Variants in RABGAP1L observed in about 807,000 individuals in gnomAD.
RABGAP1L encodes the protein rab GTPase-activating protein 1-like.
Under a neutral mutation model 137.7 loss-of-function variants are expected in RABGAP1L, and 63 were observed. The ratio of observed to expected loss-of-function variants is 0.46; its 90% CI spans 0.37 to 0.56. The LOEUF is 0.56. Ranked by LOEUF, RABGAP1L falls within the 20% of genes least tolerant of loss-of-function variation. The pLI, the probability that RABGAP1L is intolerant of heterozygous loss-of-function variation, is 0.00. For missense variants in RABGAP1L, 1,095 were observed against 1,244.0 expected (o/e 0.88, Z 1.80); for synonymous variants, 431 against 433.7 (o/e 0.99, Z 0.08).
chr1:174,736,754 G>A (rs190322933), intron 17 of RABGAP1L, among the ~76,000 whole-genome samples: 1 of 152,216 alleles, frequency 6.6e-6, no homozygotes, highest in Non-Finnish European at 1.5e-5. Flanking sequence ...TGCATTCTGT[G>A]TACCTGCAGA....
intron 19 of RABGAP1L, among the ~76,000 whole-genome samples, chr1:174,819,092 A>G (rs1690734416): frequency 6.9e-6 from 1 of 145,556 alleles, no homozygotes; most frequent in African/African-American, 2.5e-5. Context: ...CTGAAGTGGA[A>G]GGTTGGCTTG....
chr1:174,929,083 G>A (rs907221107), intron 19 of RABGAP1L, among the ~76,000 whole-genome samples: 1 of 151,960 alleles, frequency 6.6e-6, no homozygotes, highest in Non-Finnish European at 1.5e-5. Flanking sequence ...GGGCTGGGGG[G>A]AGGGATAGCA....
intron 13 of RABGAP1L, among the ~76,000 whole-genome samples, chr1:174,496,437 C>T (rs776852936): frequency 9.9e-5 from 15 of 152,168 alleles, no homozygotes; most frequent in Non-Finnish European, 1.8e-4. Context: ...AGACGACCCT[C>T]TAAGGGATAG....
At chr1:174,564,842 G>A (rs1667462903) in intron 13 of RABGAP1L, among the ~76,000 whole-genome samples, 1 of 152,114 alleles carries the variant, frequency 6.6e-6, no homozygotes, top group South Asian at 2.1e-4. Context: ...TTTAAAAGTA[G>A]TATACCTGAA....
At chr1:174,525,222 T>G (rs1663771019) in intron 13 of RABGAP1L, among the ~76,000 whole-genome samples, 1 of 152,152 alleles carries the variant, frequency 6.6e-6, no homozygotes, top group Non-Finnish European at 1.5e-5. Flanking sequence ...AATTTTAGAT[T>G]GCTTTGGGCA....
chr1:174,304,032 A>G (rs1414988597), intron 10 of RABGAP1L, among the ~76,000 whole-genome samples: 1 of 152,158 alleles, frequency 6.6e-6, no homozygotes, highest in Non-Finnish European at 1.5e-5. Flanking sequence ...ACCTTTAAAC[A>G]TAGTGTTACT....
intron 5 of RABGAP1L, among the ~76,000 whole-genome samples, chr1:174,249,461 A>G (rs1009431723): frequency 6.6e-6 from 1 of 152,216 alleles, no homozygotes; most frequent in Non-Finnish European, 1.5e-5. Context: ...ATCTTAGGAT[A>G]CATTCAATTT....
At chr1:174,612,267 C>G (rs1011618654) in intron 13 of RABGAP1L, among the ~76,000 whole-genome samples, 21 of 152,072 alleles carry the variant, frequency 1.4e-4, no homozygotes, top group Non-Finnish European at 2.5e-4. Context: ...TAGCATGAAG[C>G]ATTGTTGAAT....
chr1:174,640,992 G>T (rs56199565), intron 14 of RABGAP1L, among the ~76,000 whole-genome samples: 84,836 of 145,648 alleles, frequency 0.58, 26,889 homozygotes, highest in African/African-American at 0.85. Context: ...TATAATTTTA[G>T]ATTATATTAA....
intron 13 of RABGAP1L, among the ~76,000 whole-genome samples, chr1:174,537,655 T>TGTA: frequency 2.6e-5 from 4 of 152,240 alleles, no homozygotes; most frequent in Middle Eastern, 6.8e-3. Context: ...TGGAGAGAGG[T>TGTA]GTAGAGTGGT....
chr1:174,264,150 AT>A (rs755328316), intron 7 of RABGAP1L, among the ~76,000 whole-genome samples: 10 of 151,976 alleles, frequency 6.6e-5, no homozygotes, highest in Non-Finnish European at 1.2e-4. Context: ...TGCTTTAAAT[AT>A]TTGATTTTTA....
At chr1:174,162,167 A>AT (rs752968286) in intron 1 of RABGAP1L, among the ~76,000 whole-genome samples, 7 of 149,550 alleles carry the variant, frequency 4.7e-5, no homozygotes, top group African/African-American at 1.2e-4. Context: ...GGTAGTTATG[A>AT]TTTTTTTTTC....
intron 18 of RABGAP1L, among the ~76,000 whole-genome samples, chr1:174,789,537 A>G (rs1687699482): frequency 6.6e-6 from 1 of 152,214 alleles, no homozygotes; most frequent in Non-Finnish European, 1.5e-5. Flanking sequence ...TGAGAAGGGC[A>G]AAGACTGTAA....
intron 13 of RABGAP1L, among the ~76,000 whole-genome samples, chr1:174,489,527 C>G (rs1660011229): frequency 6.6e-6 from 1 of 151,666 alleles, no homozygotes; most frequent in African/African-American, 2.4e-5. Context: ...AGTCAGGAAA[C>G]AACAGGTGCT....
At chr1:174,470,272 C>T (rs1486197525) in intron 13 of RABGAP1L, among the ~76,000 whole-genome samples, 2 of 152,086 alleles carry the variant, frequency 1.3e-5, no homozygotes, top group Non-Finnish European at 2.9e-5. Context: ...CTTTCTAGCC[C>T]CTCAAAAGCC....
At chr1:174,709,316 G>C (rs1464063417) in intron 17 of RABGAP1L, among the ~76,000 whole-genome samples, 1 of 152,200 alleles carries the variant, frequency 6.6e-6, no homozygotes, top group Non-Finnish European at 1.5e-5. Flanking sequence ...TACAGTGCTC[G>C]AGCTCTGCTA....
intron 19 of RABGAP1L, among the ~76,000 whole-genome samples, chr1:174,902,098 C>G (rs1274202722): frequency 6.6e-6 from 1 of 152,094 alleles, no homozygotes; most frequent in Middle Eastern, 3.2e-3. Context: ...TTTTGCCAGC[C>G]CACACACACC....
intron 13 of RABGAP1L, among the ~76,000 whole-genome samples, chr1:174,513,694 A>G (rs1480324887): frequency 1.3e-5 from 2 of 152,148 alleles, no homozygotes; most frequent in Non-Finnish European, 2.9e-5. Flanking sequence ...ATTATAAGCT[A>G]TACCATATTA....
At chr1:174,890,479 A>G (rs1254049514) in intron 19 of RABGAP1L, among the ~76,000 whole-genome samples, 1 of 152,194 alleles carries the variant, frequency 6.6e-6, no homozygotes, top group East Asian at 1.9e-4. Context: ...ATAATTAGAG[A>G]TATTTTCATA....
Sources: allele counts gnomAD v4.1 joint callset (sites outside exome capture counted in the v4.1 genomes callset), GRCh38; gene constraint gnomAD v4.1.1; transcripts MANE v1.5; gene names NCBI Gene and HGNC (gene_info 2026-07-23, HGNC 2026-07-21).